KCNIP4: variants seen among roughly 807,000 people sequenced by gnomAD.
KCNIP4 encodes Kv channel-interacting protein 4.
In KCNIP4, 12 loss-of-function variants were observed where a neutral mutation model predicts 34.0. The observed-to-expected ratio is 0.35, with a 90% CI of 0.23 to 0.57. KCNIP4 has a LOEUF of 0.57. Among genes scored for constraint, KCNIP4 ranks in the 20% least tolerant of loss-of-function variants. The pLI is 0.83. For synonymous variants in KCNIP4, 124 were observed against 102.2 expected (o/e 1.21, Z -1.29); for missense variants, 238 against 311.7 (o/e 0.76, Z 1.78).
At chr4:21,690,428 T>G (rs1373179216) in intron 1 of KCNIP4, among the ~76,000 whole-genome samples, 1 of 152,092 alleles carries the variant, frequency 6.6e-6, no homozygotes, top group Non-Finnish European at 1.5e-5. Flanking sequence ...TGGGGCTAGA[T>G]CCCTCATGAA....
At chr4:21,544,008 A>T (rs1324299067) in intron 1 of KCNIP4, among the ~76,000 whole-genome samples, 1 of 152,186 alleles carries the variant, frequency 6.6e-6, no homozygotes, top group Non-Finnish European at 1.5e-5. Context: ...AAAATGTTAT[A>T]ATACTGTTAA....
At chr4:21,685,644 A>G (rs1323607406) in intron 1 of KCNIP4, among the ~76,000 whole-genome samples, 2 of 152,230 alleles carry the variant, frequency 1.3e-5, no homozygotes, top group Non-Finnish European at 2.9e-5. Flanking sequence ...TTCCGAAAAT[A>G]AAGAAAGGAG....
chr4:21,326,803 T>G (rs1216197853), intron 1 of KCNIP4, among the ~76,000 whole-genome samples: 3 of 152,026 alleles, frequency 2.0e-5, no homozygotes, highest in Non-Finnish European at 4.4e-5. Flanking sequence ...ATTTTTTGTG[T>G]GTCTGTTGTA....
chr4:21,131,102 A>G (rs779889370), intron 1 of KCNIP4, among the ~76,000 whole-genome samples: 68 of 152,300 alleles, frequency 4.5e-4, no homozygotes, highest in Middle Eastern at 3.4e-3. Flanking sequence ...GAAGGTATGT[A>G]GTAGATTGTT....
In KCNIP4 at chr4:20,789,861, C is replaced by T. The variant is rs1198808191; in HGVS notation, c.289-30971G>A. ...AATCAATGTTTGTTGTATTTAGTTC[C>T]TATATATGGGAAGGGTTTGTTATAC... is the stretch of plus-strand genomic sequence containing the variant. On this transcript the variant is annotated intron_variant, in intron 3 of 8. Coordinates refer to ENST00000382152, the MANE Select transcript of KCNIP4 (RefSeq NM_025221.6). 2.0e-5 allele frequency among the ~76,000 whole-genome samples: 3 copies of T among 151,636 alleles called. No homozygotes were observed. In the South Asian group the frequency reaches 6.2e-4, roughly 32 times the overall value.
intron 3 of KCNIP4, among the ~76,000 whole-genome samples, chr4:20,788,000 C>T (rs886340956): frequency 6.6e-6 from 1 of 152,096 alleles, no homozygotes; most frequent in African/African-American, 2.4e-5. Context: ...GATTTTACTA[C>T]ACACTTCCTT....
At chr4:21,106,133 C>T (rs549911345) in intron 1 of KCNIP4, among the ~76,000 whole-genome samples, 2,591 of 151,652 alleles carry the variant, frequency 0.017, 168 homozygotes, top group African/African-American at 0.059. Context: ...GGAGGATTCC[C>T]TCTTTTTCTA....
intron 1 of KCNIP4, among the ~76,000 whole-genome samples, chr4:21,343,756 A>T (rs914094089): frequency 6.6e-6 from 1 of 152,132 alleles, no homozygotes; most frequent in Non-Finnish European, 1.5e-5. Flanking sequence ...TCCCCTGTAG[A>T]TTCCGACGCA....
intron 2 of KCNIP4, among the ~76,000 whole-genome samples, chr4:20,877,091 C>T (rs1724127380): frequency 6.6e-6 from 1 of 152,134 alleles, no homozygotes; most frequent in Admixed American, 6.5e-5. Context: ...GACTCCTTGC[C>T]CTTCTGGTTT....
intron 1 of KCNIP4, among the ~76,000 whole-genome samples, chr4:20,922,696 TAAAGA>T (rs1398209484): frequency 6.6e-6 from 1 of 152,076 alleles, no homozygotes; most frequent in African/African-American, 2.4e-5. Context: ...TGAAAATAAA[TAAAGA>T]AAAGTTCTTA....
chr4:21,858,809 C>T (rs537005730), intron 1 of KCNIP4, among the ~76,000 whole-genome samples: 168 of 152,180 alleles, frequency 1.1e-3, no homozygotes, highest in Non-Finnish European at 2.1e-3. Context: ...CTACTGATTA[C>T]TGTTTTAAGA....
intron 1 of KCNIP4, among the ~76,000 whole-genome samples, chr4:21,750,155 C>T (rs1717056259): frequency 6.6e-6 from 1 of 152,064 alleles, no homozygotes; most frequent in South Asian, 2.1e-4. Context: ...ACGCTGCCTG[C>T]CCATGAATCA....
At chr4:21,531,404 C>T (rs1018933102) in intron 1 of KCNIP4, among the ~76,000 whole-genome samples, 2 of 132,068 alleles carry the variant, frequency 1.5e-5, no homozygotes, top group Admixed American at 1.8e-4. Context: ...TCTTGACAGT[C>T]TCTCTCTGTT....
chr4:21,420,454 C>T (rs1391441454), intron 1 of KCNIP4, among the ~76,000 whole-genome samples: 2 of 152,170 alleles, frequency 1.3e-5, no homozygotes, highest in Admixed American at 6.5e-5. Context: ...ACGATACATA[C>T]ATCAGATAAA....
At chr4:21,137,878 G>T (rs2322871) in intron 1 of KCNIP4, among the ~76,000 whole-genome samples, 67,393 of 130,420 alleles carry the variant, frequency 0.52, 18,270 homozygotes, top group African/African-American at 0.67. Flanking sequence ...AGGCTTTTTT[G>T]TTTTTTTTTT....
intron 1 of KCNIP4, among the ~76,000 whole-genome samples, chr4:21,003,497 G>A (rs181305271): frequency 6.6e-6 from 1 of 152,296 alleles, no homozygotes; most frequent in Admixed American, 6.5e-5. Flanking sequence ...CTAAACTGCT[G>A]ATTTATTGAC....
At chr4:21,458,651 C>T (rs1380494840) in intron 1 of KCNIP4, among the ~76,000 whole-genome samples, 1 of 151,992 alleles carries the variant, frequency 6.6e-6, no homozygotes, top group East Asian at 1.9e-4. Context: ...TGATCGCTAA[C>T]CTAAAAAAGC....
chr4:21,024,010 G>C (rs1299531081), intron 1 of KCNIP4, among the ~76,000 whole-genome samples: 1 of 152,196 alleles, frequency 6.6e-6, no homozygotes, highest in African/African-American at 2.4e-5. Flanking sequence ...ATACACTGTG[G>C]GTGAGAAGGG....
rs115307793 is a variant in KCNIP4, at chr4:21,452,155, A to G, written c.61+496416T>C. ...TCTGTGATTATCTACACAAGATGAT[A>G]ATAAGCCAGATAATTTCAGAATTTA... On this transcript the variant is annotated intron_variant, in intron 1 of 8. Transcript: ENST00000382152. Among the ~76,000 whole-genome samples, 686 of 152,226 alleles carry G rather than the reference A, an allele frequency of 4.5e-3. 7 individuals carry two copies. Among genetic ancestry groups the G allele is most frequent in the African/African-American group, 0.016 (660 of 41,526 alleles).
Sources: allele counts gnomAD v4.1 joint callset (sites outside exome capture counted in the v4.1 genomes callset), GRCh38; gene constraint gnomAD v4.1.1; transcripts MANE v1.5; gene names NCBI Gene and HGNC (gene_info 2026-07-23, HGNC 2026-07-21).